The following ABI3BP variants were observed in gnomAD, a reference collection of about 807,000 sequenced individuals.
The protein encoded by ABI3BP is target of Nesh-SH3.
A neutral mutation model predicts 268.6 loss-of-function variants in ABI3BP; 216 were observed. The ratio of observed to expected loss-of-function variants is 0.80; its 90% CI spans 0.72 to 0.90. ABI3BP has a LOEUF of 0.90. Among genes scored for constraint, ABI3BP ranks in the 40% least tolerant of loss-of-function variants. ABI3BP has a pLI of 0.00. For missense variants in ABI3BP, 2,090 were observed against 2,182.4 expected (o/e 0.96, Z 0.84); for synonymous variants, 730 against 730.0 (o/e 1.00, Z 0.00).
At chr3:100,974,604 AT>A (rs757139624) in intron 1 of ABI3BP, among the ~76,000 whole-genome samples, 7 of 152,164 alleles carry the variant, frequency 4.6e-5, no homozygotes, top group South Asian at 2.1e-4. Flanking sequence ...AGGGGAAGGG[AT>A]TGACTACAAG....
intron 38 of ABI3BP, among the ~76,000 whole-genome samples, 153 bp downstream of exon 38, chr3:100,822,436 T>C (rs970905635): frequency 1.3e-5 from 2 of 152,192 alleles, no homozygotes; most frequent in Non-Finnish European, 2.9e-5. Flanking sequence ...ACAGTGTTTC[T>C]CTTACATCTT....
In ABI3BP at chr3:100,834,761, G is replaced by T; in HGVS notation, c.2204C>A (p.Ser735Ter). Residue 735 changes from serine to a stop codon, truncating the protein, a stop_gained, in exon 29 of 68, where the codon TCG becomes TAG. Transcript: ENST00000471714. LOFTEE classifies it high-confidence loss of function. ...TGGACGACGTGTTCTTGTTCGTTGCGATGTTTTTGGAGCTAAAGAAAGGAA... is the reference window on the plus strand; with the variant it reads ...TGGACGACGTGTTCTTGTTCGTTGCTATGTTTTTGGAGCTAAAGAAAGGAA... Reference protein sequence around the residue: ...ATVTTLAPKTSQRTRTRRPRP... With the variant: ...ATVTTLAPKT 1 of 1,535,574 alleles carries T rather than the reference G, an allele frequency of 6.5e-7. No individual in the cohort carries two copies. Among genetic ancestry groups the T allele is most frequent in the East Asian group, 2.4e-5 (1 of 40,892 alleles).
At chr3:100,982,734 G>C (rs893120476) in intron 1 of ABI3BP, among the ~76,000 whole-genome samples, 1 of 152,036 alleles carries the variant, frequency 6.6e-6, no homozygotes, top group African/African-American at 2.4e-5. Context: ...AGAATTCTGT[G>C]ACAGCAGGAT....
intron 2 of ABI3BP, among the ~76,000 whole-genome samples, chr3:100,910,417 G>T (rs1273552104): frequency 2.6e-5 from 1 of 39,106 alleles, no homozygotes; most frequent in African/African-American, 8.6e-5. Context: ...ATTTAAAAAA[G>T]GTAAAAAAAA....
intron 62 of ABI3BP, among the ~76,000 whole-genome samples, chr3:100,770,303 T>C (rs78915692): frequency 0.048 from 7,332 of 152,156 alleles, 494 homozygotes; most frequent in African/African-American, 0.16. Flanking sequence ...AGAAGAAAAT[T>C]GATCAGGAAT....
chr3:100,858,682 G>C (rs1032761130), intron 14 of ABI3BP, among the ~76,000 whole-genome samples: 4 of 152,158 alleles, frequency 2.6e-5, no homozygotes, highest in South Asian at 2.1e-4. Context: ...AGGCATCCAG[G>C]AGCTGGTCTA....
rs2098207079 is a variant in ABI3BP at position 100,821,116 on chromosome 3, G to C, written c.2888-3C>G. 1 of 1,535,212 alleles carries C rather than the reference G, an allele frequency of 6.5e-7. No individual in the cohort carries two copies. Among genetic ancestry groups the C allele is most frequent in the East Asian group, 2.4e-5 (1 of 40,894 alleles). On this transcript the variant is annotated splice_polypyrimidine_tract_variant and splice_region_variant and intron_variant, in intron 38 of 67. Coordinates refer to ENST00000471714, the MANE Select transcript of ABI3BP (RefSeq NM_001375547.2). ...AGGTTTGAGCTCCGCAGTAGGAACT[G>C]ATCAAAAGCATTAAAATTAACCAAA...
chr3:100,840,778 G>A lies in ABI3BP; in HGVS notation c.1804+42C>T, dbSNP rs530992540. 1.5e-4 allele frequency: 219 copies of A among 1,493,444 alleles called. 2 individuals carry two copies. Among genetic ancestry groups the A allele is most frequent in the Non-Finnish European group, 1.8e-4 (196 of 1,111,022 alleles). 92.5% of individuals were successfully genotyped at this position (1,493,444 alleles called of 1,614,324 possible). On this transcript the variant is annotated intron_variant, in intron 22 of 67. Transcript: ENST00000471714. ...CTGTCAACACAGATACCAGCAGACA[G>A]GAAAAGAAGAAACAAAGGTCACCCA... is the stretch of plus-strand genomic sequence containing the variant.
intron 6 of ABI3BP, among the ~76,000 whole-genome samples, chr3:100,881,364 T>C (rs1326049589): frequency 1.3e-5 from 2 of 152,160 alleles, no homozygotes; most frequent in East Asian, 3.8e-4. Context: ...ATAGTAACTG[T>C]GGATTTCTTA....
intron 6 of ABI3BP, among the ~76,000 whole-genome samples, chr3:100,882,460 A>ATATTT (rs1554053818): frequency 1.3e-5 from 2 of 148,650 alleles, no homozygotes; most frequent in African/African-American, 4.9e-5. Context: ...ATATATATAT[A>ATATTT]TTTTTTTTGC....
At chr3:100,950,710 A>T (rs1301208981) in intron 1 of ABI3BP, among the ~76,000 whole-genome samples, 1 of 152,012 alleles carries the variant, frequency 6.6e-6, no homozygotes, top group South Asian at 2.1e-4. Context: ...AAAAATTAAT[A>T]TAAGATTACA....
intron 2 of ABI3BP, among the ~76,000 whole-genome samples, chr3:100,916,200 A>G (rs2058571154): frequency 1.3e-5 from 2 of 152,230 alleles, no homozygotes; most frequent in South Asian, 4.1e-4. Context: ...TCGCTACAGG[A>G]AGTGTGTCTG....
Position 100,866,905 on chromosome 3 carries a change from T to A in ABI3BP, c.962A>T (p.Glu321Val). The part of the protein sequence containing the change: ...LPAESKTPEV[E>V]KISARPTTVT... ...TGTTGTGGGTCGTGCTGAGATTTTTTCAACCTCTGGTGTTTTAGATTCGGC... is the reference window on the plus strand; with the variant it reads ...TGTTGTGGGTCGTGCTGAGATTTTTACAACCTCTGGTGTTTTAGATTCGGC... Residue 321 changes from glutamate (E) to valine (V), a missense_variant, in exon 10 of 68, where the codon GAA (glutamate) becomes GTA (valine). Coordinates refer to ENST00000471714, the MANE Select transcript of ABI3BP (RefSeq NM_001375547.2). The A allele has an allele frequency of 6.2e-7, 1 of 1,613,964 alleles. No individual in the cohort carries two copies. Among genetic ancestry groups the A allele is most frequent in the South Asian group, 1.1e-5 (1 of 91,078 alleles).
chr3:100,787,542 T>A (rs1281147960), intron 57 of ABI3BP, among the ~76,000 whole-genome samples, 186 bp downstream of exon 57: 1 of 152,146 alleles, frequency 6.6e-6, no homozygotes, highest in Non-Finnish European at 1.5e-5. Context: ...GAAAAAGTCT[T>A]CACTATTTTT....
intron 1 of ABI3BP, among the ~76,000 whole-genome samples, chr3:100,928,752 G>A (rs929236062): frequency 1.3e-5 from 2 of 152,088 alleles, no homozygotes; most frequent in South Asian, 2.1e-4. Flanking sequence ...AAATTGAGGC[G>A]CCCAGCACGT....
chr3:100,792,830 A>C, intron 54 of ABI3BP, 62 bp from the exon 55 acceptor site: 1 of 1,394,986 alleles, frequency 7.2e-7, no homozygotes, highest in Non-Finnish European at 1.0e-6. Context: ...ATGACCAAAA[A>C]AACCCATACT....
Position 100,993,333 on chromosome 3 carries a change from G to C in ABI3BP, c.52C>G (p.Leu18Val). Reference sequence around the variant, plus strand: ...TTTGGCAATTTCTGTGCATTTCCCAGGGCTAGTGTAATACTTCCACAGAGA... The same window carrying C: ...TTTGGCAATTTCTGTGCATTTCCCACGGCTAGTGTAATACTTCCACAGAGA... ...LLLCGSITLA[L>V]GNAQKLPKGK... The change falls in exon 1 of 68, where the codon CTG (leucine) becomes GTG (valine). Residue 18 changes from leucine to valine, a missense_variant. Physicochemically the swap from Leu to Val is conservative, Grantham distance 32. Transcript: ENST00000471714. The C allele has an allele frequency of 6.4e-7, 1 of 1,552,642 alleles. No individual in the cohort carries two copies. Among genetic ancestry groups the C allele is most frequent in the Non-Finnish European group, 8.7e-7 (1 of 1,147,404 alleles).
chr3:100,831,426 G>C (rs1163963544), intron 31 of ABI3BP, among the ~76,000 whole-genome samples: 4 of 152,134 alleles, frequency 2.6e-5, no homozygotes, highest in Admixed American at 1.3e-4. Context: ...CTCATTAAGA[G>C]ACTAAGTCTT....
Position 100,926,020 on chromosome 3 carries a change from C to G in ABI3BP, c.259+282G>C, listed in dbSNP as rs140982219. ...AAACTAGTCCACATAAAATATGTTA[C>G]AGAGACTTAATCCCAGACATTTCAG... On this transcript the variant is annotated intron_variant, in intron 2 of 67. Coordinates refer to ENST00000471714, the MANE Select transcript of ABI3BP (RefSeq NM_001375547.2). 2.5e-3 allele frequency among the ~76,000 whole-genome samples: 381 copies of G among 152,144 alleles called. 1 individual carries two copies. The highest frequency in any genetic ancestry group is 8.7e-3 in the African/African-American group (361 of 41,510).
Sources: allele counts gnomAD v4.1 joint callset (sites outside exome capture counted in the v4.1 genomes callset), GRCh38; gene constraint gnomAD v4.1.1; transcripts MANE v1.5; gene names NCBI Gene and HGNC (gene_info 2026-07-23, HGNC 2026-07-21).